The following DNAH14 variants were observed in gnomAD, a reference collection of about 807,000 sequenced individuals.
DNAH14 encodes axonemal beta dynein heavy chain 14.
Under a neutral mutation model 520.9 loss-of-function variants are expected in DNAH14, and 478 were observed. The observed-to-expected ratio is 0.92, with a 90% confidence interval of 0.85 to 0.99. DNAH14 has a LOEUF of 0.99. Among genes scored for constraint, DNAH14 ranks in the 50% least tolerant of loss-of-function variants. The pLI, the probability that DNAH14 is intolerant of heterozygous loss-of-function variation, is 0.00. For missense variants in DNAH14, 4,831 were observed against 5,234.5 expected (o/e 0.92, Z 2.38); for synonymous variants, 1,581 against 1,757.2 (o/e 0.90, Z 2.51).
At chr1:225,059,966 C>G (rs1184141569) in intron 17 of DNAH14, among the ~76,000 whole-genome samples, 2 of 151,488 alleles carry the variant, frequency 1.3e-5, no homozygotes, top group Non-Finnish European at 3.0e-5. Flanking sequence ...AACATTTTTC[C>G]CTTCATTTCA....
intron 36 of DNAH14, among the ~76,000 whole-genome samples, chr1:225,183,983 C>A (rs1207139533): frequency 1.3e-5 from 2 of 152,028 alleles, no homozygotes; most frequent in Non-Finnish European, 2.9e-5. Context: ...CAGTCAAATT[C>A]TACCAGATGT....
At chr1:225,365,060 A>G (rs2095536318) in intron 76 of DNAH14, among the ~76,000 whole-genome samples, 166 bp downstream of exon 76, 1 of 152,216 alleles carries the variant, frequency 6.6e-6, no homozygotes, top group African/African-American at 2.4e-5. Context: ...ATGAGGAAGA[A>G]CACTAAAGTA....
intron 4 of DNAH14, chr1:224,961,136 A>G (rs1254121628): frequency 6.6e-6 from 1 of 152,116 alleles, no homozygotes; most frequent in Non-Finnish European, 1.5e-5. Flanking sequence ...GCAAGCTGCT[A>G]TGATTCCAAT....
chr1:224,993,794 A>G (rs73129898), intron 8 of DNAH14, among the ~76,000 whole-genome samples: 5,432 of 151,832 alleles, frequency 0.036, 307 homozygotes, highest in African/African-American at 0.12. Flanking sequence ...AGATCTTTAT[A>G]CTTTTTTGAT....
At chr1:225,051,419 T>G in intron 16 of DNAH14, 32 bp from the exon 17 acceptor site, 1 of 1,391,330 alleles carries the variant, frequency 7.2e-7, no homozygotes. Context: ...AAATAAAAAT[T>G]CTGACTAACA....
intron 8 of DNAH14, among the ~76,000 whole-genome samples, chr1:224,976,908 A>G (rs1190748086): frequency 4.0e-5 from 6 of 151,550 alleles, no homozygotes; most frequent in African/African-American, 1.2e-4. Flanking sequence ...AACTAGTTCA[A>G]CCATTGTGGA....
At position 225,271,971 on chromosome 1, in the gene DNAH14, G is replaced by A. The variant is rs1558224097; in HGVS notation, c.7737G>A (p.Gln2579=). 4 of 1,550,652 alleles carry A rather than the reference G, an allele frequency of 2.6e-6. No homozygotes were observed. The South Asian group carries it at 3.6e-5, about 14-fold the overall frequency. Residue 2579 remains glutamine (Q), a synonymous_variant, in exon 51 of 86, where the codon CAG becomes CAA. Coordinates refer to ENST00000682510, the MANE Select transcript of DNAH14 (RefSeq NM_001367479.1). ...CTGAAGTTCAGAAAAGTAAGGATCA[G>A]ATAATATCTTGTTCCCTAGCTATAT... ...FTPEVQKSKD[Q]IISCSLAIYH... is the part of the protein sequence containing the mutation.
At chr1:225,129,989 C>G (rs1467708523) in intron 27 of DNAH14, among the ~76,000 whole-genome samples, 2 of 152,020 alleles carry the variant, frequency 1.3e-5, no homozygotes, top group Non-Finnish European at 2.9e-5. Flanking sequence ...ACAAACAACC[C>G]CATCAAAAAG....
chr1:224,996,431 G>A (rs2063399197), intron 8 of DNAH14, among the ~76,000 whole-genome samples: 1 of 152,192 alleles, frequency 6.6e-6, no homozygotes, highest in South Asian at 2.1e-4. Context: ...AAAGTGTTGG[G>A]ATTAGAGGCA....
intron 17 of DNAH14, among the ~76,000 whole-genome samples, chr1:225,060,460 C>G (rs1165008120): frequency 6.6e-6 from 1 of 152,054 alleles, no homozygotes. Context: ...TTGGTTCGAC[C>G]TTCCTCCTTT....
In DNAH14 at chr1:225,159,334, C is replaced by A. The variant is rs1246956208; in HGVS notation, c.5294C>A (p.Ser1765Tyr). The change falls in exon 35 of 86, where the codon TCT becomes TAT. Residue 1765 changes from serine (S) to tyrosine (Y), a missense_variant. Ser to Tyr is a moderately radical substitution (Grantham distance 144). Transcript: ENST00000682510. ...TGAAGTGATACCAGTGACAGTCTTTCTGAAGCAGATGAAACCTTGATTGTT... is the reference window on the plus strand; with the variant it reads ...TGAAGTGATACCAGTGACAGTCTTTATGAAGCAGATGAAACCTTGATTGTT... The part of the protein sequence containing the change: ...EFKCDTSDSL[S>Y]EADETLIVIE... The A allele has an allele frequency of 6.4e-7, 1 of 1,551,348 alleles. No individual in the cohort carries two copies. The highest frequency in any genetic ancestry group is 8.7e-7 in the Non-Finnish European group (1 of 1,146,800).
chr1:225,293,651 T>C (rs1420943133), intron 55 of DNAH14, among the ~76,000 whole-genome samples: 1 of 151,972 alleles, frequency 6.6e-6, no homozygotes, highest in African/African-American at 2.4e-5. Flanking sequence ...CCATACACAC[T>C]GGGGCCTTTC....
intron 41 of DNAH14, among the ~76,000 whole-genome samples, chr1:225,227,306 T>G (rs2090634128): frequency 6.6e-6 from 1 of 152,274 alleles, no homozygotes; most frequent in Non-Finnish European, 1.5e-5. Flanking sequence ...CGCAGTGCAT[T>G]GTGTCCCTGG....
chr1:225,052,885 G>A (rs1438436642), intron 17 of DNAH14, among the ~76,000 whole-genome samples: 3 of 152,106 alleles, frequency 2.0e-5, no homozygotes, highest in Non-Finnish European at 2.9e-5. Context: ...ACAACATAGG[G>A]CTAGTATGGT....
At chr1:225,082,465 G>GA (rs920377195) in intron 19 of DNAH14, 84 bp from the exon 20 acceptor site, 3 of 1,122,444 alleles carry the variant, frequency 2.7e-6, no homozygotes, top group Non-Finnish European at 3.6e-6. Context: ...AAATTTTAAA[G>GA]AAAAAAATCT....
At chr1:225,322,288 CA>C (rs2094573025) in intron 61 of DNAH14, among the ~76,000 whole-genome samples, 1 of 151,694 alleles carries the variant, frequency 6.6e-6, no homozygotes, top group African/African-American at 2.4e-5. Flanking sequence ...CGGGTTTCGC[CA>C]TGTTGGCCAG....
At chr1:225,373,139 C>T (rs888682633) in intron 77 of DNAH14, among the ~76,000 whole-genome samples, 4 of 136,448 alleles carry the variant, frequency 2.9e-5, no homozygotes, top group Non-Finnish European at 6.1e-5. Flanking sequence ...TGTCCAATTG[C>T]GGCACAGTGT....
rs2148034998 is a variant in DNAH14, at chr1:225,023,654, A to G, written c.1147A>G (p.Lys383Glu). 1 of 1,546,024 alleles carries G rather than the reference A, an allele frequency of 6.5e-7. No individual in the cohort carries two copies. The highest frequency in any genetic ancestry group is 1.2e-5 in the South Asian group (1 of 82,672). The change falls in exon 11 of 86, where the codon AAA becomes GAA. Residue 383 changes from lysine (K) to glutamate (E), a missense_variant. Transcript: ENST00000682510. ...TGAAATCAAAGAGTATTTTGAGTCA[A>G]AACTCTCTGAAGATGACACAACACA... is the stretch of plus-strand genomic sequence containing the variant. The part of the protein sequence containing the change: ...KNEIKEYFES[K>E]LSEDDTTHFK...
intron 57 of DNAH14, among the ~76,000 whole-genome samples, chr1:225,304,052 G>T (rs149984213): frequency 5.9e-5 from 9 of 152,114 alleles, no homozygotes; most frequent in African/African-American, 1.7e-4. Flanking sequence ...ACCAGTGACT[G>T]GTTAGACTTG....
Sources: gnomAD v4.1 joint callset for allele counts (sites outside exome capture counted in the v4.1 genomes callset) on GRCh38, gnomAD v4.1.1 for gene constraint, MANE v1.5 for transcripts, NCBI Gene and HGNC (gene_info 2026-07-23, HGNC 2026-07-21) for gene names.